Variants in GZMK observed in about 807,000 individuals in gnomAD.
GZMK encodes granzyme K.
A neutral mutation model predicts 22.8 loss-of-function variants in GZMK; 18 were observed. That is an observed-to-expected ratio of 0.79 (90% CI 0.54 to 1.17). The LOEUF is 1.17. Ranked by LOEUF, GZMK falls within the 50% of genes most tolerant of loss-of-function variation. GZMK has a pLI of 0.00. For synonymous variants in GZMK, 136 were observed against 115.0 expected, an observed-to-expected ratio of 1.18 and a Z score of -1.17; for missense variants, 342 against 320.2, an observed-to-expected ratio of 1.07 and a Z score of -0.52.
chr5:55,025,661 C>T (rs1019221547), intron 2 of GZMK: 4 of 152,108 alleles, frequency 2.6e-5, no homozygotes, highest in Non-Finnish European at 5.9e-5. Context: ...ATATATGTTT[C>T]CTTATGTTTC....
chr5:55,033,824 T>C lies in GZMK; in HGVS notation c.693T>C (p.Gly231=), dbSNP rs766103748. 6.2e-7 allele frequency: 1 copy of C among 1,613,664 alleles called. No homozygotes were observed. The highest frequency in any genetic ancestry group is 2.2e-5 in the East Asian group (1 of 44,894). Residue 231 remains glycine (G), a synonymous_variant, in exon 5 of 5, where the codon GGT becomes GGC. Transcript: ENST00000231009. ...KGVFHAIVSG[G]HECGVATKPG... ...TCTTCCACGCTATAGTCTCTGGAGG[T>C]CATGAATGTGGTGTTGCCACAAAGC...
intron 2 of GZMK, among the ~76,000 whole-genome samples, chr5:55,025,995 T>C (rs1741137788): frequency 6.6e-6 from 1 of 152,218 alleles, no homozygotes. Flanking sequence ...CCATCACTTC[T>C]CTCTTCTCCA....
In GZMK at chr5:55,024,736, C is replaced by T. The variant is rs34170848; in HGVS notation, c.141C>T (p.Gly47=). The change falls in exon 2 of 5, where the codon GGC becomes GGT. Residue 47 remains glycine, a synonymous_variant. Transcript: ENST00000231009. ...CATTTATGGCCTCCATCCAGTATGGCGGACATCACGTTTGTGGAGGTGTTC... is the reference window on the plus strand; with the variant it reads ...CATTTATGGCCTCCATCCAGTATGGTGGACATCACGTTTGTGGAGGTGTTC... ...SRPFMASIQY[G]GHHVCGGVLI... 6.6e-3 allele frequency: 10,538 copies of T among 1,607,396 alleles called. 562 individuals are homozygous for T. The African/African-American group carries it at 0.12, about 18-fold the overall frequency.
At chr5:55,030,349 G>A in intron 2 of GZMK, 85 bp from the exon 3 acceptor site, 3 of 1,253,980 alleles carry the variant, frequency 2.4e-6, no homozygotes, top group Non-Finnish European at 3.4e-6. Flanking sequence ...GTTTCTCTGT[G>A]TATACAACCC....
intron 4 of GZMK, 141 bp downstream of exon 4, chr5:55,031,774 A>G (rs80256177): frequency 0.011 from 7,374 of 649,634 alleles, 363 homozygotes; most frequent in African/African-American, 0.11. Context: ...ATTCCTGCAC[A>G]GCATTCTCTA....
At chr5:55,030,343 C>A (rs778493268) in intron 2 of GZMK, 91 bp from the exon 3 acceptor site, 2 of 1,174,596 alleles carry the variant, frequency 1.7e-6, no homozygotes, top group Admixed American at 4.3e-5. Context: ...GCCCTTGTTT[C>A]TCTGTGTATA....
intron 2 of GZMK, among the ~76,000 whole-genome samples, chr5:55,027,172 C>T (rs189147105): frequency 2.0e-5 from 3 of 152,138 alleles, no homozygotes; most frequent in South Asian, 2.1e-4. Flanking sequence ...CGCTGTTGTG[C>T]GGTTTAAATG....
At chr5:55,024,977 G>A (rs904660250) in intron 2 of GZMK, 170 bp downstream of exon 2, 7 of 475,634 alleles carry the variant, frequency 1.5e-5, no homozygotes, top group East Asian at 3.2e-5. Flanking sequence ...TCTGTCTTGG[G>A]TTTTCCTTTT....
At chr5:55,030,322 C>T in intron 2 of GZMK, 112 bp from the exon 3 acceptor site, 2 of 937,062 alleles carry the variant, frequency 2.1e-6, no homozygotes, top group Non-Finnish European at 3.3e-6. Context: ...AGGCAGGTTA[C>T]CTTGGAGATA....
intron 2 of GZMK, among the ~76,000 whole-genome samples, chr5:55,028,872 A>C (rs1436155067): frequency 6.6e-6 from 1 of 152,228 alleles, no homozygotes; most frequent in Admixed American, 6.5e-5. Context: ...TATCCAACAA[A>C]GAGTAAATCA....
At chr5:55,026,442 T>C (rs899811484) in intron 2 of GZMK, among the ~76,000 whole-genome samples, 2 of 151,946 alleles carry the variant, frequency 1.3e-5, no homozygotes, top group Admixed American at 6.5e-5. Flanking sequence ...AAACAAACTA[T>C]TGCTAAATAT....
chr5:55,034,007 G>T lies in GZMK; in HGVS notation c.*81G>T. 6.5e-6 allele frequency: 7 copies of T among 1,074,352 alleles called. No individual in the cohort carries two copies. Among genetic ancestry groups the T allele is most frequent in the Non-Finnish European group, 9.5e-6 (7 of 738,932 alleles). 66.6% of individuals were successfully genotyped at this position (1,074,352 alleles called of 1,614,324 possible). ...GTTAGAGTTGGGTGTAAGTAAAGCA[G>T]AGCACATATGGGGTCCATTTTTGCA... On this transcript the variant is annotated 3_prime_UTR_variant, in exon 5 of 5. Transcript: ENST00000231009.
chr5:55,031,268 G>T (rs950331014), intron 3 of GZMK, 96 bp from the exon 4 acceptor site: 2 of 1,008,954 alleles, frequency 2.0e-6, no homozygotes, highest in South Asian at 1.5e-5. Context: ...GAACAGGGAC[G>T]CCCGCCTAAG....
At chr5:55,033,744 T>C (rs1244029330) in intron 4 of GZMK, 21 bp from the exon 5 acceptor site, 1 of 1,572,636 alleles carries the variant, frequency 6.4e-7, no homozygotes, top group Non-Finnish European at 8.6e-7. Context: ...ACCACGTATT[T>C]GCCCTTTTTC....
At chr5:55,031,303 A>G (rs1010753520) in intron 3 of GZMK, 61 bp from the exon 4 acceptor site, 14 of 1,435,122 alleles carry the variant, frequency 9.8e-6, no homozygotes, top group Middle Eastern at 2.0e-4. Flanking sequence ...CATACGACGC[A>G]CAGGCTAGCA....
At chr5:55,031,280 CAG>C (rs1741225812) in intron 3 of GZMK, 82 bp from the exon 4 acceptor site, 2 of 1,170,210 alleles carry the variant, frequency 1.7e-6, no homozygotes, top group Non-Finnish European at 2.5e-6. Context: ...CCGCCTAAGA[CAG>C]AGGGACCACA....
intron 4 of GZMK, 41 bp from the exon 5 acceptor site, chr5:55,033,724 A>G: frequency 6.5e-7 from 1 of 1,540,132 alleles, no homozygotes; most frequent in South Asian, 1.2e-5. Context: ...AAATATCCCA[A>G]CAGCTTCTTA....
chr5:55,028,747 C>A (rs1031091166), intron 2 of GZMK, among the ~76,000 whole-genome samples: 1 of 152,132 alleles, frequency 6.6e-6, no homozygotes, highest in Non-Finnish European at 1.5e-5. Flanking sequence ...CTGAGGTGGA[C>A]TTCATAAAGA....
intron 1 of GZMK, 62 bp downstream of exon 1, chr5:55,024,448 AT>A: frequency 1.2e-6 from 1 of 854,766 alleles, no homozygotes; most frequent in Non-Finnish European, 1.9e-6. Flanking sequence ...ATATTGTTAT[AT>A]TATAGATGAA....
Sources: allele counts gnomAD v4.1 joint callset (sites outside exome capture counted in the v4.1 genomes callset), GRCh38; gene constraint gnomAD v4.1.1; transcripts MANE v1.5; gene names NCBI Gene and HGNC (gene_info 2026-07-23, HGNC 2026-07-21).